The following IL33 variants were observed in gnomAD, a reference collection of about 807,000 sequenced individuals.
IL33 encodes interleukin-33.
In IL33, 37 loss-of-function variants were observed where a neutral mutation model predicts 27.3. The observed-to-expected ratio is 1.36, with a 90% CI of 1.04 to 1.78. The LOEUF (loss-of-function observed/expected upper bound fraction) is 1.78, where lower values mean the gene tolerates loss of function less well. Ranked by LOEUF, IL33 falls within the 40% of genes most tolerant of loss-of-function variation. The probability of loss-of-function intolerance (pLI) is 0.00; values close to 1 mark genes in which losing one functional copy is unlikely to be tolerated. For missense variants in IL33, 406 were observed against 311.4 expected, an observed-to-expected ratio of 1.30 and a Z score of -2.29; for synonymous variants, 132 against 102.9, an observed-to-expected ratio of 1.28 and a Z score of -1.71.
chr9:6,246,755 G>C (rs961052267), intron 2 of IL33, among the ~76,000 whole-genome samples: 1 of 152,168 alleles, frequency 6.6e-6, no homozygotes, highest in Non-Finnish European at 1.5e-5. Flanking sequence ...CACCATGTGT[G>C]ATGTCTTCCA....
chr9:6,251,317 G>A, intron 4 of IL33, 52 bp downstream of exon 4: 2 of 1,602,168 alleles, frequency 1.2e-6, no homozygotes, highest in Non-Finnish European at 1.7e-6. Context: ...GTATGACACA[G>A]GACCCCGGAA....
At chr9:6,236,018 TAC>T (rs61318432) in intron 1 of IL33, among the ~76,000 whole-genome samples, 4,732 of 139,682 alleles carry the variant, frequency 0.034, 182 homozygotes, top group African/African-American at 0.099. Flanking sequence ...CCCACACCCA[TAC>T]ACACACACAC....
intron 1 of IL33, among the ~76,000 whole-genome samples, chr9:6,229,385 A>C (rs544204373): frequency 6.6e-6 from 1 of 152,322 alleles, no homozygotes; most frequent in East Asian, 1.9e-4. Flanking sequence ...ACTTGTACTG[A>C]ATAATTTGAA....
At chr9:6,247,102 C>T (rs1362670766) in intron 2 of IL33, among the ~76,000 whole-genome samples, 1 of 152,092 alleles carries the variant, frequency 6.6e-6, no homozygotes, top group Non-Finnish European at 1.5e-5. Context: ...TTTGGGGAGT[C>T]ATCAGCCTCT....
rs1185018837 is a variant in IL33, at chr9:6,254,444, T to C, written c.521-18T>C. ...TTACAGTTCTTAACTTTATCATTTA[T>C]ACTTTCTTAATTGTAAGGTGACGGT... On this transcript the variant is annotated intron_variant, in intron 6 of 7. Transcript: ENST00000682010. 3 of 1,499,536 alleles carry C rather than the reference T, an allele frequency of 2.0e-6. No individual in the cohort carries two copies. Among genetic ancestry groups the C allele is most frequent in the South Asian group, 2.6e-5 (2 of 78,116 alleles). The allele number at this position is 1,499,536 out of a possible 1,614,324, so 92.9% of individuals were successfully genotyped here.
At chr9:6,235,909 T>C (rs1428695378) in intron 1 of IL33, among the ~76,000 whole-genome samples, 6 of 152,182 alleles carry the variant, frequency 3.9e-5, no homozygotes, top group Middle Eastern at 3.4e-3. Flanking sequence ...AGCTATAAGA[T>C]ACATGTACCC....
chr9:6,221,870 T>C (rs1201399049), intron 1 of IL33, among the ~76,000 whole-genome samples: 1 of 152,224 alleles, frequency 6.6e-6, no homozygotes, highest in Non-Finnish European at 1.5e-5. Context: ...GCCTTATCTT[T>C]GGGGAGAAGA....
chr9:6,241,128 A>G (rs1246154678), intron 1 of IL33, among the ~76,000 whole-genome samples: 1 of 152,140 alleles, frequency 6.6e-6, no homozygotes, highest in Non-Finnish European at 1.5e-5. Context: ...TCCTATAACA[A>G]TGTCTTCCTC....
At chr9:6,254,283 G>A (rs943103761) in intron 6 of IL33, among the ~76,000 whole-genome samples, 179 bp from the exon 7 acceptor site, 3 of 152,142 alleles carry the variant, frequency 2.0e-5, no homozygotes, top group African/African-American at 7.2e-5. Flanking sequence ...CGGTTTATAA[G>A]TACCCTCTAC....
chr9:6,250,415 T>G (rs1816279230), intron 2 of IL33, 59 bp from the exon 3 acceptor site: 1 of 1,578,660 alleles, frequency 6.3e-7, no homozygotes, highest in African/African-American at 1.4e-5. Context: ...CACTCAGGAT[T>G]TGTAGAAGGA....
intron 1 of IL33, among the ~76,000 whole-genome samples, chr9:6,239,443 G>A (rs1458520417): frequency 1.3e-5 from 2 of 152,094 alleles, no homozygotes; most frequent in Admixed American, 6.5e-5. Flanking sequence ...ACACTGGAAG[G>A]ACAGCGTGGG....
At chr9:6,215,228 T>C (rs1216742849), upstream of IL33, among the ~76,000 whole-genome samples, 1 of 152,188 alleles carries the variant, frequency 6.6e-6, no homozygotes, top group Non-Finnish European at 1.5e-5. Flanking sequence ...TCTCATGGGA[T>C]CTATAGTACA....
At chr9:6,247,691 G>C (rs1459132045) in intron 2 of IL33, among the ~76,000 whole-genome samples, 1 of 152,008 alleles carries the variant, frequency 6.6e-6, no homozygotes, top group Non-Finnish European at 1.5e-5. Context: ...GACCCCAGTG[G>C]AGTGCTCTCT....
chr9:6,242,400 G>C (rs1349447860), intron 2 of IL33: 1 of 152,148 alleles, frequency 6.6e-6, no homozygotes, highest in Non-Finnish European at 1.5e-5. Context: ...AAGCAAATCT[G>C]ATTTTCAATG....
At chr9:6,226,812 G>T (rs1372341573) in intron 1 of IL33, among the ~76,000 whole-genome samples, 3 of 152,154 alleles carry the variant, frequency 2.0e-5, no homozygotes, top group Non-Finnish European at 4.4e-5. Context: ...CCTTTTGTGG[G>T]TTCTCACCAT....
At chr9:6,238,088 A>C (rs1405443975) in intron 1 of IL33, among the ~76,000 whole-genome samples, 1 of 152,120 alleles carries the variant, frequency 6.6e-6, no homozygotes, top group Non-Finnish European at 1.5e-5. Context: ...CCCAGTTCTG[A>C]TTATTTTCTT....
At chr9:6,249,790 A>G (rs1201373756) in intron 2 of IL33, among the ~76,000 whole-genome samples, 39 of 152,240 alleles carry the variant, frequency 2.6e-4, no homozygotes, top group Admixed American at 2.5e-3. Flanking sequence ...AAATGGGGAC[A>G]ATAATGCCCA....
At chr9:6,219,398 C>T (rs1287365338) in intron 1 of IL33, among the ~76,000 whole-genome samples, 1 of 152,054 alleles carries the variant, frequency 6.6e-6, no homozygotes, top group Non-Finnish European at 1.5e-5. Context: ...ATTGGGGGCG[C>T]TTCCTCCCTA....
At chr9:6,245,042 T>G (rs1819748882) in intron 2 of IL33, among the ~76,000 whole-genome samples, 1 of 152,166 alleles carries the variant, frequency 6.6e-6, no homozygotes, top group South Asian at 2.1e-4. Context: ...TCCAGGAAGC[T>G]ACTTCCCTAC....
Sources: gnomAD v4.1 joint callset for allele counts (sites outside exome capture counted in the v4.1 genomes callset) on GRCh38, gnomAD v4.1.1 for gene constraint, MANE v1.5 for transcripts, NCBI Gene and HGNC (gene_info 2026-07-23, HGNC 2026-07-21) for gene names.